The following ADAMTSL3 variants were observed in gnomAD, a reference collection of about 807,000 sequenced individuals.
ADAMTSL3 encodes ADAMTS like 3, also known as ADAMTS-like protein 3.
A neutral mutation model predicts 201.7 loss-of-function variants in ADAMTSL3; 128 were observed. The observed-to-expected ratio is 0.63, with a 90% confidence interval of 0.55 to 0.73. The LOEUF is 0.73. Ranked by LOEUF, ADAMTSL3 falls within the 30% of genes least tolerant of loss-of-function variation. ADAMTSL3 has a pLI of 0.00. For synonymous variants in ADAMTSL3, 738 were observed against 748.4 expected (o/e 0.99, Z 0.23); for missense variants, 1,990 against 2,119.6 (o/e 0.94, Z 1.20).
chr15:83,854,068 T>G lies in ADAMTSL3; in HGVS notation c.728-4698T>G, dbSNP rs2064680412. Among the ~76,000 whole-genome samples the G allele has an allele frequency of 2.6e-5, 4 of 152,262 alleles. No individual in the cohort carries two copies. The South Asian group carries it at 8.3e-4, about 32-fold the overall frequency. ...ACTCTTCTAAAAATAAGGATCTTCT[T>G]CATAACATCATCTCACTAGTACACC... On this transcript the variant is annotated intron_variant, in intron 7 of 29. Coordinates refer to ENST00000286744, the MANE Select transcript of ADAMTSL3 (RefSeq NM_207517.3).
chr15:83,792,462 A>G (rs1286618966), intron 4 of ADAMTSL3, among the ~76,000 whole-genome samples: 1 of 152,218 alleles, frequency 6.6e-6, no homozygotes, highest in Non-Finnish European at 1.5e-5. Context: ...TACAGCTACT[A>G]TGAAAAACAG....
At position 83,982,406 on chromosome 15, in the gene ADAMTSL3, C is replaced by T. The variant is rs764170855; in HGVS notation, c.2778C>T (p.Pro926=). 6 of 1,613,938 alleles carry T rather than the reference C, an allele frequency of 3.7e-6. No individual in the cohort carries two copies. Among genetic ancestry groups the T allele is most frequent in the Non-Finnish European group, 2.5e-6 (3 of 1,180,022 alleles). ...LTIGSRAYLL[P]NTSVIIKCPV... is the part of the protein sequence containing the mutation. ...TTGGTAGCAGAGCCTATTTGCTGCCCAACACATCCGTGATTATTAAGTGCC... is the reference window on the plus strand; with the variant it reads ...TTGGTAGCAGAGCCTATTTGCTGCCTAACACATCCGTGATTATTAAGTGCC... Residue 926 remains proline, a synonymous_variant, in exon 21 of 30, where the codon CCC becomes CCT. Coordinates refer to ENST00000286744, the MANE Select transcript of ADAMTSL3 (RefSeq NM_207517.3).
At position 83,773,600 on chromosome 15, in the gene ADAMTSL3, G is replaced by C; in HGVS notation, c.267G>C (p.Arg89=). 2 of 1,613,398 alleles carry C rather than the reference G, an allele frequency of 1.2e-6. No homozygotes were observed. Among genetic ancestry groups the C allele is most frequent in the Non-Finnish European group, 1.7e-6 (2 of 1,179,832 alleles). The change falls in exon 4 of 30, where the codon CGG becomes CGC. Residue 89 remains arginine (R), a synonymous_variant. Transcript: ENST00000286744. The part of the protein sequence containing the change: ...DAWGDWSDCS[R]TCGGGASYSL... ...GGGGCGACTGGAGTGACTGCTCCCG[G>C]ACCTGTGGGGGAGGAGCATCATATT...
At chr15:83,686,622 C>T (rs2061539628) in intron 2 of ADAMTSL3, among the ~76,000 whole-genome samples, 1 of 152,058 alleles carries the variant, frequency 6.6e-6, no homozygotes, top group African/African-American at 2.4e-5. Context: ...GGTGGGAGCC[C>T]TTCTTAGGTA....
intron 2 of ADAMTSL3, among the ~76,000 whole-genome samples, chr15:83,683,385 G>A (rs189412994): frequency 6.6e-6 from 1 of 152,138 alleles, no homozygotes; most frequent in East Asian, 1.9e-4. Context: ...CAACACTCAA[G>A]ACATCCACAA....
intron 3 of ADAMTSL3, among the ~76,000 whole-genome samples, chr15:83,707,855 TTGCAGCATACTGGGTGGCA>T (rs1392972610): frequency 7.9e-5 from 12 of 152,164 alleles, no homozygotes; most frequent in African/African-American, 2.9e-4. Flanking sequence ...TTGGAACAAA[TTGCAGCATACTGGGTGGCA>T]TGCAGCATTA....
At chr15:83,836,946 C>T (rs933597081) in intron 6 of ADAMTSL3, among the ~76,000 whole-genome samples, 1 of 152,066 alleles carries the variant, frequency 6.6e-6, no homozygotes, top group African/African-American at 2.4e-5. Flanking sequence ...AAGAGATAAA[C>T]CATCAGATCA....
rs974021430 is a variant in ADAMTSL3, at chr15:83,776,776, G to T, written c.317+3126G>T. The stretch of plus-strand genomic sequence containing the variant: ...AATGGTCAGGGAAGCCCTCTGTGCT[G>T]GGGCATGTTTATGCTGAGATATTAC... On this transcript the variant is annotated intron_variant, in intron 4 of 29. Transcript: ENST00000286744. 4.6e-5 allele frequency among the ~76,000 whole-genome samples: 7 copies of T among 152,294 alleles called. 1 individual carries two copies. Among genetic ancestry groups the T allele is most frequent in the Admixed American group, 2.0e-4 (3 of 15,284 alleles).
intron 15 of ADAMTSL3, among the ~76,000 whole-genome samples, chr15:83,901,616 G>A (rs897477152): frequency 6.6e-6 from 1 of 152,170 alleles, no homozygotes; most frequent in African/African-American, 2.4e-5. Flanking sequence ...TCAAGCTGAT[G>A]GAAAAGTGTA....
At chr15:83,735,664 G>GTT (rs552221714) in intron 3 of ADAMTSL3, among the ~76,000 whole-genome samples, 31 of 144,770 alleles carry the variant, frequency 2.1e-4, no homozygotes, top group African/African-American at 7.1e-4. Context: ...TAACTTCAAG[G>GTT]TTTTTTTTTT....
At chr15:83,734,115 TA>T (rs2062331408) in intron 3 of ADAMTSL3, among the ~76,000 whole-genome samples, 2 of 152,184 alleles carry the variant, frequency 1.3e-5, no homozygotes, top group Non-Finnish European at 2.9e-5. Context: ...ATTTTAGCTA[TA>T]AAATATAGAC....
At chr15:84,033,572 T>C (rs1239459685) in intron 28 of ADAMTSL3, among the ~76,000 whole-genome samples, 1 of 152,146 alleles carries the variant, frequency 6.6e-6, no homozygotes, top group Non-Finnish European at 1.5e-5. Context: ...GGCAGGAGAA[T>C]TGCTTGAACC....
chr15:83,908,811 C>T (rs2141948191), intron 15 of ADAMTSL3, among the ~76,000 whole-genome samples: 1 of 152,292 alleles, frequency 6.6e-6, no homozygotes, highest in South Asian at 2.1e-4. Context: ...TTGAGTGGGT[C>T]AGAAGCCCAG....
chr15:83,964,071 C>A (rs575321270), intron 19 of ADAMTSL3, among the ~76,000 whole-genome samples: 3 of 152,238 alleles, frequency 2.0e-5, no homozygotes, highest in African/African-American at 4.8e-5. Flanking sequence ...TGTGGAAAAA[C>A]CAGCACAAAA....
intron 5 of ADAMTSL3, among the ~76,000 whole-genome samples, chr15:83,812,433 GT>G (rs1425817185): frequency 6.6e-6 from 1 of 152,148 alleles, no homozygotes; most frequent in Non-Finnish European, 1.5e-5. Flanking sequence ...AAGATGAGGA[GT>G]TCTTTTGAGG....
chr15:83,998,093 T>C (rs1303435101), intron 23 of ADAMTSL3, among the ~76,000 whole-genome samples: 2 of 151,986 alleles, frequency 1.3e-5, no homozygotes, highest in Admixed American at 1.3e-4. Context: ...AAAGGAGTTC[T>C]TGGAGCTGCA....
chr15:83,887,074 C>T (rs1294164066), intron 10 of ADAMTSL3, among the ~76,000 whole-genome samples: 1 of 152,152 alleles, frequency 6.6e-6, no homozygotes, highest in African/African-American at 2.4e-5. Flanking sequence ...TCAGCATCTC[C>T]TGGGAACTAA....
At chr15:83,773,055 G>A (rs1199093055) in intron 3 of ADAMTSL3, among the ~76,000 whole-genome samples, 3 of 152,244 alleles carry the variant, frequency 2.0e-5, no homozygotes, top group Non-Finnish European at 4.4e-5. Flanking sequence ...AGGCATGCAT[G>A]TGTCAACTGC....
chr15:83,820,070 C>G (rs1227141831), intron 6 of ADAMTSL3, 23 bp downstream of exon 6: 1 of 1,589,514 alleles, frequency 6.3e-7, no homozygotes, highest in African/African-American at 1.3e-5. Flanking sequence ...ACCTCCCAAT[C>G]CCCTGCTTTG....
Sources: gnomAD v4.1 joint callset for allele counts (sites outside exome capture counted in the v4.1 genomes callset) on GRCh38, gnomAD v4.1.1 for gene constraint, MANE v1.5 for transcripts, NCBI Gene and HGNC (gene_info 2026-07-23, HGNC 2026-07-21) for gene names.